IHO1: variants seen among roughly 807,000 people sequenced by gnomAD.
IHO1 encodes the protein interactor of HORMAD1 protein 1.
IHO1 carries 13 observed loss-of-function variants against 31.0 expected under a neutral mutation model. The ratio of observed to expected loss-of-function variants is 0.42; its 90% CI spans 0.27 to 0.67. IHO1 has a LOEUF of 0.67. IHO1 is among the 30% of genes least tolerant of loss of function. IHO1 has a pLI of 0.24. For synonymous variants in IHO1, 221 were observed against 248.4 expected, an observed-to-expected ratio of 0.89 and a Z score of 1.04; for missense variants, 599 against 687.5, an observed-to-expected ratio of 0.87 and a Z score of 1.44.
chr3:49,206,112 C>T (rs1398879204), intron 1 of IHO1, among the ~76,000 whole-genome samples: 1 of 152,082 alleles, frequency 6.6e-6, no homozygotes. Flanking sequence ...TACAGGCGCC[C>T]ACCACCATGC....
At position 49,255,494 on chromosome 3, in the gene IHO1, G is replaced by C. The variant is rs1559454517; in HGVS notation, c.636+1G>C. The C allele has an allele frequency of 6.3e-7, 1 of 1,582,520 alleles. No homozygotes were observed. The highest frequency in any genetic ancestry group is 8.6e-7 in the Non-Finnish European group (1 of 1,165,772). ...TGAGATGAAGAAAAGATTTGAAGCT[G>C]TAAGTGTAAACCCCAACCTCTTTCT... On this transcript the variant is annotated splice_donor_variant, in intron 7 of 7. Transcript: ENST00000452691. LOFTEE classifies it high-confidence loss of function.
At position 49,199,513 on chromosome 3, in the gene IHO1, C is replaced by CACCATTCTCCT. The variant is rs2046025719; in HGVS notation, c.-76_-75insACCATTCTCCT. ...GCGTGCCGTTGCAGAGGCAGCGGGA[C>CACCATTCTCCT]GCGGCCACCTCGAAGCCACGTCAGG... is the stretch of plus-strand genomic sequence containing the variant. On this transcript the variant is annotated 5_prime_UTR_variant, in exon 1 of 8. Transcript: ENST00000452691. 1.3e-5 allele frequency: 2 copies of CACCATTCTCCT among 151,140 alleles called. No individual in the cohort carries two copies. The highest frequency in any genetic ancestry group is 4.2e-4 in the South Asian group (2 of 4,760). The allele number at this position is 151,140 out of a possible 1,614,324, so 9.4% of individuals were successfully genotyped here. A position where few individuals can be genotyped will look rare whatever the true frequency, so the allele number is the denominator to read the frequency against.
intron 2 of IHO1, among the ~76,000 whole-genome samples, chr3:49,234,149 G>A (rs986697603): frequency 4.7e-5 from 6 of 126,366 alleles, no homozygotes; most frequent in Non-Finnish European, 8.4e-5. Context: ...TTACACAGAT[G>A]TCTTTTGTTG....
intron 6 of IHO1, among the ~76,000 whole-genome samples, chr3:49,249,727 C>T (rs534600220): frequency 6.6e-6 from 1 of 152,304 alleles, no homozygotes; most frequent in African/African-American, 2.4e-5. Context: ...TCGCGTGCTC[C>T]AGGATACATC....
intron 6 of IHO1, among the ~76,000 whole-genome samples, chr3:49,245,988 CCTGT>C (rs2107732939): frequency 6.6e-6 from 1 of 150,808 alleles, no homozygotes; most frequent in Non-Finnish European, 1.5e-5. Context: ...TCAAGTCTGG[CCTGT>C]CTAATATGGT....
At chr3:49,194,289 A>AGT (rs1341770864), upstream of IHO1, among the ~76,000 whole-genome samples, 2 of 68,130 alleles carry the variant, frequency 2.9e-5, no homozygotes, top group Non-Finnish European at 5.3e-5. Flanking sequence ...AAAAGTACAA[A>AGT]GTGTATATAT....
chr3:49,223,547 T>A (rs950032798), intron 2 of IHO1, among the ~76,000 whole-genome samples: 6 of 151,938 alleles, frequency 3.9e-5, no homozygotes, highest in African/African-American at 1.4e-4. Context: ...AAAAATTAGC[T>A]GGGTGTGGTC....
chr3:49,200,649 TATAGTTC>T, intron 1 of IHO1: 2 of 801,558 alleles, frequency 2.5e-6, no homozygotes, highest in Non-Finnish European at 3.0e-6. Context: ...TTCCCTTGTA[TATAGTTC>T]CATTCCTTGC....
At chr3:49,202,495 TTGTGTGTGTGTG>T (rs113425200) in intron 1 of IHO1, among the ~76,000 whole-genome samples, 7,661 of 129,914 alleles carry the variant, frequency 0.059, 307 homozygotes, top group Middle Eastern at 0.081. Flanking sequence ...CCGGCTAATT[TTGTGTGTGTGTG>T]TGTGTGTGTG....
At chr3:49,200,103 C>A (rs1206620230) in intron 1 of IHO1, among the ~76,000 whole-genome samples, 1 of 152,132 alleles carries the variant, frequency 6.6e-6, no homozygotes, top group Non-Finnish European at 1.5e-5. Flanking sequence ...GAGTAAGAGA[C>A]CTGATTTTTT....
intron 5 of IHO1, 84 bp from the exon 6 acceptor site, chr3:49,244,562 C>T: frequency 1.5e-6 from 2 of 1,346,472 alleles, no homozygotes; most frequent in Non-Finnish European, 2.1e-6. Flanking sequence ...TTAACTATCC[C>T]TATTTATCAT....
At chr3:49,254,114 G>A (rs564256874) in intron 6 of IHO1, among the ~76,000 whole-genome samples, 41 of 152,158 alleles carry the variant, frequency 2.7e-4, no homozygotes, top group African/African-American at 6.3e-4. Flanking sequence ...GATTACAGGC[G>A]TGAGTCTCCA....
At chr3:49,232,398 A>G (rs1180115408) in intron 2 of IHO1, among the ~76,000 whole-genome samples, 2 of 152,370 alleles carry the variant, frequency 1.3e-5, no homozygotes, top group East Asian at 1.9e-4. Context: ...TACAGAAACC[A>G]GCTACAAAGA....
At position 49,241,354 on chromosome 3, in the gene IHO1, G is replaced by A. The variant is rs2046628474; in HGVS notation, c.360G>A (p.Glu120=). The A allele has an allele frequency of 8.7e-6, 14 of 1,611,324 alleles. No homozygotes were observed. Among genetic ancestry groups the A allele is most frequent in the Non-Finnish European group, 1.2e-5 (14 of 1,179,012 alleles). Residue 120 remains glutamate, a synonymous_variant, in exon 4 of 8, where the codon GAG becomes GAA. Coordinates refer to ENST00000452691, the MANE Select transcript of IHO1 (RefSeq NM_001135197.2). ...CAAAAGGCCTCTTGGAACAGTTTGAGGAGAAAAAGAAAAGGGCAAAAGACA... is the reference window on the plus strand; with the variant it reads ...CAAAAGGCCTCTTGGAACAGTTTGAAGAGAAAAAGAAAAGGGCAAAAGACA... ...GKSKGLLEQF[E]EKKKRAKDKC...
intron 2 of IHO1, among the ~76,000 whole-genome samples, chr3:49,234,162 G>GTTTTTTTTTTTTT (rs56802492): frequency 1.3e-3 from 122 of 91,896 alleles, no homozygotes; most frequent in Non-Finnish European, 1.4e-3. Context: ...TTTTGTTGTT[G>GTTTTTTTTTTTTT]TTTTTTTTTT....
Position 49,211,749 on chromosome 3 carries a change from C to T in IHO1, c.-15-17C>T. 8.5e-7 allele frequency: 1 copy of T among 1,181,220 alleles called. No individual in the cohort carries two copies. Among genetic ancestry groups the T allele is most frequent in the Non-Finnish European group, 1.3e-6 (1 of 794,256 alleles). 73.2% of individuals were successfully genotyped at this position (1,181,220 alleles called of 1,614,324 possible). Reference sequence around the variant, plus strand: ...ATACTGTTAACTTTCTTAATATTCACCTATTCTTTCTAATAGGTATAACTA... The same window carrying T: ...ATACTGTTAACTTTCTTAATATTCATCTATTCTTTCTAATAGGTATAACTA... On this transcript the variant is annotated splice_polypyrimidine_tract_variant and intron_variant, in intron 1 of 7. Coordinates refer to ENST00000452691, the MANE Select transcript of IHO1 (RefSeq NM_001135197.2).
chr3:49,235,929 C>A (rs1273327812), intron 2 of IHO1, among the ~76,000 whole-genome samples: 223 of 114,104 alleles, frequency 2.0e-3, no homozygotes, highest in South Asian at 2.7e-3. Context: ...GACTCTGTCT[C>A]AAAAAAAAAA....
chr3:49,230,818 AG>A (rs2046472383), intron 2 of IHO1, among the ~76,000 whole-genome samples: 1 of 152,198 alleles, frequency 6.6e-6, no homozygotes, highest in African/African-American at 2.4e-5. Flanking sequence ...AAAAATTACT[AG>A]GGGACATTAA....
intron 1 of IHO1, among the ~76,000 whole-genome samples, chr3:49,200,956 G>C (rs1457205678): frequency 1.3e-5 from 2 of 151,850 alleles, no homozygotes; most frequent in African/African-American, 4.8e-5. Flanking sequence ...AGCCCCAGCT[G>C]GTTCTTAGAC....
Sources: allele counts gnomAD v4.1 joint callset (sites outside exome capture counted in the v4.1 genomes callset), GRCh38; gene constraint gnomAD v4.1.1; transcripts MANE v1.5; gene names NCBI Gene and HGNC (gene_info 2026-07-23, HGNC 2026-07-21).